CUL1: variants seen among roughly 807,000 people sequenced by gnomAD.
CUL1 encodes the protein cullin-1.
Under a neutral mutation model 118.0 loss-of-function variants are expected in CUL1, and 24 were observed. That is an observed-to-expected ratio of 0.20 (90% CI 0.15 to 0.29). CUL1 has a LOEUF of 0.29. Among genes scored for constraint, CUL1 ranks in the 10% least tolerant of loss-of-function variants. CUL1 has a pLI of 1.00. For synonymous variants in CUL1, 332 were observed against 340.4 expected, an observed-to-expected ratio of 0.98 and a Z score of 0.27; for missense variants, 361 against 933.8, an observed-to-expected ratio of 0.39 and a Z score of 7.99.
At chr7:148,772,444 A>T (rs1232798856) in intron 9 of CUL1, among the ~76,000 whole-genome samples, 6 of 151,814 alleles carry the variant, frequency 4.0e-5, no homozygotes, top group Non-Finnish European at 1.5e-5. Flanking sequence ...AAACCCACAC[A>T]TTCAGTTTAT....
At chr7:148,713,951 C>G (rs1281151371) in intron 1 of CUL1, among the ~76,000 whole-genome samples, 3 of 152,076 alleles carry the variant, frequency 2.0e-5, no homozygotes, top group Admixed American at 2.0e-4. Flanking sequence ...AACTCCTGAC[C>G]TCAGGTGATC....
intron 6 of CUL1, 121 bp downstream of exon 6, chr7:148,759,759 G>A (rs1195199052): frequency 1.2e-5 from 6 of 493,420 alleles, no homozygotes; most frequent in African/African-American, 6.0e-5. Context: ...TAGCATTTAC[G>A]AAGGTACTTA....
At chr7:148,783,293 G>GCGGATC (rs1290011135) in intron 9 of CUL1, 1 of 982,878 alleles carries the variant, frequency 1.0e-6, no homozygotes, top group Non-Finnish European at 1.2e-6. Flanking sequence ...GCATCGCCAC[G>GCGGATC]CGGATCCGCG....
At chr7:148,779,890 A>G (rs1474381974) in intron 9 of CUL1, among the ~76,000 whole-genome samples, 1 of 152,210 alleles carries the variant, frequency 6.6e-6, no homozygotes. Context: ...CAATCTAATC[A>G]GCTGCCAGCG....
At position 148,708,306 on chromosome 7, in the gene CUL1, A is replaced by G. The variant is rs560880578; in HGVS notation, c.-162+9277A>G. On this transcript the variant is annotated intron_variant, in intron 1 of 21. Coordinates refer to ENST00000325222, the MANE Select transcript of CUL1 (RefSeq NM_003592.3). Reference sequence around the variant, plus strand: ...AACTGATCTCTTTTTTGCTCCCTAGACCATATCCGACATCTCTATTTCTAG... The same window carrying G: ...AACTGATCTCTTTTTTGCTCCCTAGGCCATATCCGACATCTCTATTTCTAG... Among the ~76,000 whole-genome samples, 7 of 152,234 alleles carry G rather than the reference A, an allele frequency of 4.6e-5. No individual in the cohort carries two copies. In the South Asian group the frequency reaches 1.5e-3, roughly 32 times the overall value.
At chr7:148,702,930 C>T (rs1797764435) in intron 1 of CUL1, among the ~76,000 whole-genome samples, 3 of 152,206 alleles carry the variant, frequency 2.0e-5, no homozygotes, top group African/African-American at 7.2e-5. Flanking sequence ...TACATCCTTC[C>T]ACTGGAAATC....
intron 9 of CUL1, among the ~76,000 whole-genome samples, chr7:148,770,005 A>G (rs1479479004): frequency 6.6e-6 from 1 of 152,266 alleles, no homozygotes. Context: ...TATGATTCTC[A>G]TGTTCCATTG....
intron 2 of CUL1, among the ~76,000 whole-genome samples, chr7:148,746,373 C>CA (rs58378318): frequency 0.032 from 4,893 of 152,284 alleles, 280 homozygotes; most frequent in African/African-American, 0.11. Flanking sequence ...CACTTGCGTG[C>CA]AGCCTTGTTC....
intron 8 of CUL1, 108 bp from the exon 9 acceptor site, chr7:148,767,511 A>G (rs1800047756): frequency 1.0e-6 from 1 of 968,736 alleles, no homozygotes; most frequent in African/African-American, 1.7e-5. Flanking sequence ...GTCTAAAAAC[A>G]TGGTTATCTT....
At chr7:148,777,216 G>A (rs1037716494) in intron 9 of CUL1, among the ~76,000 whole-genome samples, 2 of 152,196 alleles carry the variant, frequency 1.3e-5, no homozygotes, top group Admixed American at 6.5e-5. Flanking sequence ...CTGGGATCAG[G>A]AATGTGTAGA....
At chr7:148,784,623 T>C (rs1335933687) in intron 11 of CUL1, among the ~76,000 whole-genome samples, 4 of 152,206 alleles carry the variant, frequency 2.6e-5, no homozygotes, top group African/African-American at 9.7e-5. Context: ...CAGCTTCTCT[T>C]TCACTTTAAG....
Position 148,787,711 on chromosome 7 carries a change from C to T in CUL1, c.1479+591C>T, listed in dbSNP as rs1800864121. 6.6e-6 allele frequency among the ~76,000 whole-genome samples: 1 copy of T among 152,134 alleles called. No homozygotes were observed. The highest frequency in any genetic ancestry group is 2.4e-5 in the African/African-American group (1 of 41,416). On this transcript the variant is annotated intron_variant, in intron 13 of 21. Coordinates refer to ENST00000325222, the MANE Select transcript of CUL1 (RefSeq NM_003592.3). This position sits in a 1 kb window ranked among gnomAD's most constrained non-coding sequence, Gnocchi z 5.5. ...CTCTCCTGCCTCCCACACCTTTAGC[C>T]TTGCAGCACATTCACACTTCCACAC...
intron 1 of CUL1, among the ~76,000 whole-genome samples, chr7:148,721,980 C>T (rs1317863937): frequency 2.6e-5 from 4 of 152,148 alleles, no homozygotes; most frequent in Non-Finnish European, 5.9e-5. Flanking sequence ...CTGTCGGTTT[C>T]ATATCTTATG....
intron 9 of CUL1, 43 bp downstream of exon 9, chr7:148,767,792 C>G: frequency 6.3e-7 from 1 of 1,594,548 alleles, no homozygotes; most frequent in Non-Finnish European, 8.6e-7. Flanking sequence ...TGATTATTTC[C>G]ACATGCGAAC....
chr7:148,783,432 A>G (rs570155345), intron 9 of CUL1: 69 of 985,366 alleles, frequency 7.0e-5, no homozygotes, highest in Admixed American at 1.8e-4. Flanking sequence ...GCTGAAACAG[A>G]GTCCAGAGTT....
chr7:148,780,735 C>T (rs1415607788), intron 9 of CUL1, among the ~76,000 whole-genome samples: 1 of 152,208 alleles, frequency 6.6e-6, no homozygotes, highest in Non-Finnish European at 1.5e-5. Context: ...TGGGAGATGT[C>T]CTGTTTCTTA....
At chr7:148,781,572 A>G (rs1220879507) in intron 9 of CUL1, among the ~76,000 whole-genome samples, 1 of 152,236 alleles carries the variant, frequency 6.6e-6, no homozygotes, top group Non-Finnish European at 1.5e-5. Flanking sequence ...CCAAATTACA[A>G]ATCTGAGGAA....
chr7:148,727,925 A>G (rs892469238), intron 1 of CUL1, among the ~76,000 whole-genome samples: 1 of 152,170 alleles, frequency 6.6e-6, no homozygotes, highest in African/African-American at 2.4e-5. Flanking sequence ...TTAGGGTGAC[A>G]GCCTATTCAG....
intron 9 of CUL1, among the ~76,000 whole-genome samples, chr7:148,778,555 C>T (rs144935585): frequency 6.6e-5 from 10 of 152,162 alleles, no homozygotes; most frequent in Non-Finnish European, 1.5e-4. Flanking sequence ...AATGACACTG[C>T]CCCCAAACAA....
Sources: allele counts gnomAD v4.1 joint callset (sites outside exome capture counted in the v4.1 genomes callset), GRCh38; gene constraint gnomAD v4.1.1; non-coding constraint Gnocchi (gnomAD v3.1); transcripts MANE v1.5; gene names NCBI Gene and HGNC (gene_info 2026-07-23, HGNC 2026-07-21).